Variants in STARD13 observed in about 807,000 individuals in gnomAD.
The protein encoded by STARD13 is stAR-related lipid transfer protein 13.
Under a neutral mutation model 106.4 loss-of-function variants are expected in STARD13, and 62 were observed. The ratio of observed to expected loss-of-function variants is 0.58; its 90% CI spans 0.48 to 0.72. STARD13 has a LOEUF of 0.72. Ranked by LOEUF, STARD13 falls within the 30% of genes least tolerant of loss-of-function variation. The probability of loss-of-function intolerance (pLI) is 0.00; values close to 1 mark genes in which losing one functional copy is unlikely to be tolerated. For missense variants in STARD13, 1,387 were observed against 1,424.0 expected (o/e 0.97, Z 0.42); for synonymous variants, 565 against 553.0 (o/e 1.02, Z -0.31).
chr13:33,406,962 T>C, the STARD13 span, among the ~76,000 whole-genome samples: 1 of 152,146 alleles, frequency 6.6e-6, no homozygotes, highest in African/African-American at 2.4e-5. Flanking sequence ...TCACAAATAC[T>C]GAATCTGTGA....
the STARD13 span, among the ~76,000 whole-genome samples, chr13:33,359,234 C>T: frequency 1.3e-5 from 2 of 152,066 alleles, no homozygotes; most frequent in African/African-American, 2.4e-5. Flanking sequence ...TGTAACACTG[C>T]AAAGATCTGC....
At chr13:33,499,522 C>CTTTCT in the STARD13 span, among the ~76,000 whole-genome samples, 160 of 53,432 alleles carry the variant, frequency 3.0e-3, 3 homozygotes, top group African/African-American at 3.8e-3. Flanking sequence ...TTCTTTCTTT[C>CTTTCT]TTCTTCTTCT....
chr13:33,597,927 T>A, the STARD13 span, among the ~76,000 whole-genome samples: 1 of 152,184 alleles, frequency 6.6e-6, no homozygotes, highest in Non-Finnish European at 1.5e-5. Context: ...GGATAAATGT[T>A]GATGGCTATT....
At chr13:33,407,709 A>C in the STARD13 span, among the ~76,000 whole-genome samples, 6 of 152,202 alleles carry the variant, frequency 3.9e-5, no homozygotes, top group Admixed American at 1.3e-4. Flanking sequence ...TTCATGCTCA[A>C]ATCACAGCCA....
At position 33,160,962 on chromosome 13, in the gene STARD13, G is replaced by A. The variant is rs147091102; in HGVS notation, c.323+4375C>T. The stretch of plus-strand genomic sequence containing the variant: ...AACTTAAATGCTCATACAAAAACTT[G>A]AATATGAATGTTTAGAGTGGGTTTA... On this transcript the variant is annotated intron_variant, in intron 3 of 13. Coordinates refer to ENST00000336934, the MANE Select transcript of STARD13 (RefSeq NM_178006.4). Among the ~76,000 whole-genome samples the A allele has an allele frequency of 3.7e-3, 560 of 152,274 alleles. 4 individuals carry two copies. Among genetic ancestry groups the A allele is most frequent in the South Asian group, 0.011 (53 of 4,824 alleles).
At chr13:33,476,599 T>A in the STARD13 span, among the ~76,000 whole-genome samples, 1 of 152,330 alleles carries the variant, frequency 6.6e-6, no homozygotes, top group Non-Finnish European at 1.5e-5. Flanking sequence ...CTTTGATAAG[T>A]TTGGCATAGG....
At chr13:33,454,701 G>A in the STARD13 span, among the ~76,000 whole-genome samples, 4 of 152,172 alleles carry the variant, frequency 2.6e-5, no homozygotes, top group African/African-American at 7.2e-5. Context: ...TAGAGCTCCT[G>A]TTGAAAAGTT....
the STARD13 span, among the ~76,000 whole-genome samples, chr13:33,514,561 G>A: frequency 6.6e-6 from 1 of 152,104 alleles, no homozygotes; most frequent in African/African-American, 2.4e-5. Context: ...TGAGGGCAGT[G>A]TTTAACAGTA....
At chr13:33,413,515 C>T in the STARD13 span, among the ~76,000 whole-genome samples, 1 of 152,090 alleles carries the variant, frequency 6.6e-6, no homozygotes, top group Non-Finnish European at 1.5e-5. Context: ...TAAAAACTTT[C>T]GCTCTGTGAA....
chr13:33,452,057 G>A, the STARD13 span, among the ~76,000 whole-genome samples: 9 of 152,214 alleles, frequency 5.9e-5, no homozygotes, highest in African/African-American at 1.7e-4. Context: ...GTACCTTGAT[G>A]AAGGGCTTTT....
downstream of STARD13, among the ~76,000 whole-genome samples, chr13:33,347,841 C>T (rs772951117): frequency 3.9e-5 from 6 of 152,154 alleles, no homozygotes; most frequent in Non-Finnish European, 8.8e-5. Flanking sequence ...GTACTGTGAA[C>T]TGAACCATAC....
chr13:33,285,818 C>T, upstream of STARD13: 3 of 1,375,004 alleles, frequency 2.2e-6, no homozygotes, highest in South Asian at 1.6e-5. Flanking sequence ...CCTCACGTGA[C>T]CTCGGGAACC....
chr13:33,467,566 T>A, the STARD13 span, among the ~76,000 whole-genome samples: 1 of 152,270 alleles, frequency 6.6e-6, no homozygotes. Flanking sequence ...AAGTCTCTTT[T>A]CAGAGCGAAA....
chr13:33,122,372 T>G (rs1217874475), intron 7 of STARD13, among the ~76,000 whole-genome samples: 2 of 152,242 alleles, frequency 1.3e-5, no homozygotes, highest in Non-Finnish European at 2.9e-5. Context: ...GAGGGCATAA[T>G]GTTTTTCCTT....
At chr13:33,200,622 T>C (rs572834589) in intron 1 of STARD13, among the ~76,000 whole-genome samples, 154 of 152,330 alleles carry the variant, frequency 1.0e-3, no homozygotes, top group African/African-American at 3.6e-3. Flanking sequence ...ACTTTGGAAG[T>C]TGGCACTCCT....
chr13:33,129,975 C>A lies in STARD13; in HGVS notation c.702G>T (p.Gln234His). The A allele has an allele frequency of 6.2e-7, 1 of 1,613,152 alleles. No homozygotes were observed. Among genetic ancestry groups the A allele is most frequent in the Non-Finnish European group, 8.5e-7 (1 of 1,179,756 alleles). ...GGTGGTTGAGGACATCTCTGGGGGGCTGTGGGAGGCTGCTGCTGACGAGTG... is the reference window on the plus strand; with the variant it reads ...GGTGGTTGAGGACATCTCTGGGGGGATGTGGGAGGCTGCTGCTGACGAGTG... Reference protein sequence around the residue: ...DAPLVSSSLPQPPRDVLNHPF... With the variant: ...DAPLVSSSLPHPPRDVLNHPF... The change falls in exon 5 of 14, where the codon CAG becomes CAT. Residue 234 changes from glutamine to histidine, a missense_variant. Gln to His is a conservative substitution (Grantham distance 24). Transcript: ENST00000336934.
chr13:33,484,267 G>A, the STARD13 span, among the ~76,000 whole-genome samples: 1 of 152,130 alleles, frequency 6.6e-6, no homozygotes, highest in Non-Finnish European at 1.5e-5. Context: ...ATGGTCACAG[G>A]TTAGAATTAT....
chr13:33,505,506 C>T, the STARD13 span, among the ~76,000 whole-genome samples: 1 of 151,806 alleles, frequency 6.6e-6, no homozygotes, highest in African/African-American at 2.4e-5. Context: ...AAATATAATA[C>T]CAAAACATTA....
At chr13:33,239,266 G>A (rs188229143) in intron 1 of STARD13, among the ~76,000 whole-genome samples, 88 of 152,156 alleles carry the variant, frequency 5.8e-4, no homozygotes, top group Non-Finnish European at 1.0e-3. Context: ...TTTTCTTCAT[G>A]CTTTCACTCA....
Sources: allele counts gnomAD v4.1 joint callset (sites outside exome capture counted in the v4.1 genomes callset), GRCh38; gene constraint gnomAD v4.1.1; transcripts MANE v1.5; gene names NCBI Gene and HGNC (gene_info 2026-07-23, HGNC 2026-07-21).